Variants in DLEC1 observed in about 807,000 individuals in gnomAD.
DLEC1 encodes deleted in lung and esophageal cancer protein 1.
In DLEC1, 146 loss-of-function variants were observed where a neutral mutation model predicts 198.1. The ratio of observed to expected loss-of-function variants is 0.74; its 90% CI spans 0.64 to 0.85. The LOEUF (loss-of-function observed/expected upper bound fraction) is 0.85. Among genes scored for constraint, DLEC1 ranks in the 40% least tolerant of loss-of-function variants. The pLI is 0.00. For missense variants in DLEC1, 2,233 were observed against 2,220.0 expected (o/e 1.01, Z -0.12); for synonymous variants, 897 against 866.8 (o/e 1.03, Z -0.61).
chr3:38,080,276 G>A (rs929778324), intron 6 of DLEC1, among the ~76,000 whole-genome samples: 1 of 152,162 alleles, frequency 6.6e-6, no homozygotes, highest in Admixed American at 6.5e-5. Flanking sequence ...ATTATAGGGT[G>A]GAGGAGCAGA....
chr3:38,080,617 TG>T (rs1046398210), intron 6 of DLEC1, among the ~76,000 whole-genome samples: 4 of 152,028 alleles, frequency 2.6e-5, no homozygotes, highest in Non-Finnish European at 5.9e-5. Context: ...GGCCAAGCGG[TG>T]TTGCAGAAGA....
chr3:38,043,891 A>G (rs1414558524), intron 1 of DLEC1, among the ~76,000 whole-genome samples: 1 of 152,142 alleles, frequency 6.6e-6, no homozygotes. Context: ...GAATGACTAA[A>G]TAAATCTTTG....
intron 6 of DLEC1, among the ~76,000 whole-genome samples, chr3:38,077,411 C>G (rs902892113): frequency 6.6e-6 from 1 of 152,194 alleles, no homozygotes; most frequent in Non-Finnish European, 1.5e-5. Flanking sequence ...ATTCCGAGGA[C>G]AGGTCTGATT....
Position 38,039,214 on chromosome 3 carries a change from G to T in DLEC1, c.-12G>T, listed in dbSNP as rs1423567735. On this transcript the variant is annotated 5_prime_UTR_variant, in exon 1 of 37. Coordinates refer to ENST00000308059, the MANE Select transcript of DLEC1 (RefSeq NM_007335.4). ...CGAAGTGCCGCAGGGAGTTAGCGGCGTCTCGGTTGCCATGGAGACCAGGAG... is the reference window on the plus strand; with the variant it reads ...CGAAGTGCCGCAGGGAGTTAGCGGCTTCTCGGTTGCCATGGAGACCAGGAG... 1 of 1,585,634 alleles carries T rather than the reference G, an allele frequency of 6.3e-7. No individual in the cohort carries two copies.
chr3:38,086,179 A>G (rs951767093), intron 8 of DLEC1, 62 bp from the exon 9 acceptor site: 2 of 1,534,880 alleles, frequency 1.3e-6, no homozygotes, highest in African/African-American at 2.8e-5. Flanking sequence ...GAGAAGCATG[A>G]CAGTAGGGCC....
chr3:38,096,836 C>CTCCATGCAGTGGCTGCT, intron 15 of DLEC1, 99 bp downstream of exon 15: 1 of 1,385,610 alleles, frequency 7.2e-7, no homozygotes, highest in Non-Finnish European at 9.8e-7. Context: ...TGGTAGCAGC[C>CTCCATGCAGTGGCTGCT]ACTGCATGGA....
intron 15 of DLEC1, 27 bp from the exon 16 acceptor site, chr3:38,097,155 G>A (rs1217491755): frequency 6.5e-7 from 1 of 1,549,402 alleles, no homozygotes; most frequent in Non-Finnish European, 8.7e-7. Flanking sequence ...GCAGTAAATG[G>A]GCAGCCTGGT....
chr3:38,085,808 G>A (rs567689981), intron 8 of DLEC1, among the ~76,000 whole-genome samples: 31 of 152,258 alleles, frequency 2.0e-4, no homozygotes, highest in African/African-American at 7.2e-4. Context: ...ACAGGTCGTC[G>A]TTGTCCTCGT....
chr3:38,110,934 A>C (rs964043203), intron 23 of DLEC1, among the ~76,000 whole-genome samples: 1 of 152,122 alleles, frequency 6.6e-6, no homozygotes, highest in Non-Finnish European at 1.5e-5. Flanking sequence ...ACATGCACAC[A>C]CACATATACA....
Position 38,112,367 on chromosome 3 carries a change from G to A in DLEC1, c.3666+6G>A, listed in dbSNP as rs1413290266. The A allele has an allele frequency of 2.5e-6, 4 of 1,613,800 alleles. No individual in the cohort carries two copies. Among genetic ancestry groups the A allele is most frequent in the Admixed American group, 3.3e-5 (2 of 59,998 alleles). Reference sequence around the variant, plus strand: ...GGGACAACCTCATCTGCACGGTAAGGGTACACAAGAGGGCAGTGGCCTGGG... The same window carrying A: ...GGGACAACCTCATCTGCACGGTAAGAGTACACAAGAGGGCAGTGGCCTGGG... On this transcript the variant is annotated splice_donor_region_variant and intron_variant, in intron 25 of 36. Transcript: ENST00000308059. The surrounding 1 kb of genome is among the most constrained non-coding windows in gnomAD (Gnocchi z 4.8).
Position 38,100,348 on chromosome 3 carries a change from G to A in DLEC1, c.2787G>A (p.Val929=), listed in dbSNP as rs764706314. The part of the protein sequence containing the change: ...GQLHSLGECR[V]DITLEALHCQ... ...TTCACTCTCTGGGGGAGTGCAGGGTGGACATCACCTTGGAGGCCCTGCACT... is the reference window on the plus strand; with the variant it reads ...TTCACTCTCTGGGGGAGTGCAGGGTAGACATCACCTTGGAGGCCCTGCACT... The change falls in exon 19 of 37, where the codon GTG becomes GTA. Residue 929 remains valine (V), a synonymous_variant. Coordinates refer to ENST00000308059, the MANE Select transcript of DLEC1 (RefSeq NM_007335.4). 4 of 1,614,034 alleles carry A rather than the reference G, an allele frequency of 2.5e-6. No individual in the cohort carries two copies. The Admixed American group carries it at 6.7e-5, about 27-fold the overall frequency.
At chr3:38,070,094 T>C (rs559362041) in intron 6 of DLEC1, among the ~76,000 whole-genome samples, 89 of 152,334 alleles carry the variant, frequency 5.8e-4, no homozygotes, top group Non-Finnish European at 9.3e-4. Context: ...ATTGATGTGC[T>C]ACACACTGTG....
At chr3:38,077,668 A>T (rs1012342717) in intron 6 of DLEC1, among the ~76,000 whole-genome samples, 9 of 152,290 alleles carry the variant, frequency 5.9e-5, no homozygotes, top group South Asian at 4.1e-4. Flanking sequence ...AAGGGAAGAA[A>T]TTACTGGGAT....
Position 38,059,731 on chromosome 3 carries a change from C to T in DLEC1, c.563-11C>T. On this transcript the variant is annotated splice_polypyrimidine_tract_variant and intron_variant, in intron 2 of 36. Transcript: ENST00000308059. ...TGGAAACACCTTGTTCTCCCCTTCCCTTCTATGAAGTGAAGAGTGTCTCCA... is the reference window on the plus strand; with the variant it reads ...TGGAAACACCTTGTTCTCCCCTTCCTTTCTATGAAGTGAAGAGTGTCTCCA... 6.2e-7 allele frequency: 1 copy of T among 1,610,002 alleles called. No individual in the cohort carries two copies. Among genetic ancestry groups the T allele is most frequent in the South Asian group, 1.1e-5 (1 of 90,318 alleles).
intron 10 of DLEC1, among the ~76,000 whole-genome samples, chr3:38,089,277 G>A (rs1575180882): frequency 6.6e-6 from 1 of 152,218 alleles, no homozygotes; most frequent in Non-Finnish European, 1.5e-5. Context: ...GAGGTTCTGA[G>A]TTCACTAGAC....
Position 38,045,635 on chromosome 3 carries a change from G to A in DLEC1, c.504G>A (p.Glu168=). ...QAQARAIAEN[E]RVMSQAGVQD... is the part of the protein sequence containing the mutation. ...AAGCACGGGCTATTGCGGAAAATGA[G>A]CGGGTCATGAGCCAGGCTGGAGTAC... Residue 168 remains glutamate, a synonymous_variant, in exon 2 of 37, where the codon GAG becomes GAA. Coordinates refer to ENST00000308059, the MANE Select transcript of DLEC1 (RefSeq NM_007335.4). 1 of 1,614,128 alleles carries A rather than the reference G, an allele frequency of 6.2e-7. No homozygotes were observed. Among genetic ancestry groups the A allele is most frequent in the Non-Finnish European group, 8.5e-7 (1 of 1,180,036 alleles).
intron 19 of DLEC1, 48 bp downstream of exon 19, chr3:38,100,473 T>A: frequency 6.4e-7 from 1 of 1,553,498 alleles, no homozygotes; most frequent in Non-Finnish European, 8.7e-7. Context: ...TGCATATTCG[T>A]GATGTATTTA....
chr3:38,110,845 TAC>T (rs930132718), intron 23 of DLEC1, among the ~76,000 whole-genome samples: 1 of 151,552 alleles, frequency 6.6e-6, no homozygotes, highest in Non-Finnish European at 1.5e-5. Flanking sequence ...CATACACACA[TAC>T]ACACATGCAT....
chr3:38,084,479 GGTA>G (rs1559430435), intron 7 of DLEC1, among the ~76,000 whole-genome samples: 4 of 4,992 alleles, frequency 8.0e-4, no homozygotes, highest in East Asian at 6.1e-3. Flanking sequence ...TGGTGGTGGT[GGTA>G]GTAGTGGTGG....
Sources: gnomAD v4.1 joint callset for allele counts (sites outside exome capture counted in the v4.1 genomes callset) on GRCh38, gnomAD v4.1.1 for gene constraint, Gnocchi (gnomAD v3.1) non-coding constraint, MANE v1.5 for transcripts, NCBI Gene and HGNC (gene_info 2026-07-23, HGNC 2026-07-21) for gene names.